CLPB: variants seen among roughly 807,000 people sequenced by gnomAD.
CLPB encodes ClpB family mitochondrial disaggregase.
CLPB carries 40 observed loss-of-function variants against 78.4 expected under a neutral mutation model. The ratio of observed to expected loss-of-function variants is 0.51; its 90% CI spans 0.40 to 0.66. CLPB has a LOEUF of 0.66. Ranked by LOEUF, CLPB falls within the 30% of genes least tolerant of loss-of-function variation. The probability of loss-of-function intolerance (pLI) is 0.00; values close to 1 mark genes in which losing one functional copy is unlikely to be tolerated. For missense variants in CLPB, 780 were observed against 886.9 expected (o/e 0.88, Z 1.53); for synonymous variants, 333 against 348.0 (o/e 0.96, Z 0.48).
rs2135549983 is a variant in CLPB at position 72,329,821 on chromosome 11, G to A, written c.776-17C>T. On this transcript the variant is annotated splice_polypyrimidine_tract_variant and intron_variant, in intron 5 of 15. Transcript: ENST00000538039. ...GGTTGGCTCCTGGCAAGAGAAGAAG[G>A]ATAAACAGAGGCTCTATGAACGATC... 5 of 1,592,662 alleles carry A rather than the reference G, an allele frequency of 3.1e-6. No homozygotes were observed. The highest frequency in any genetic ancestry group is 4.3e-6 in the Non-Finnish European group (5 of 1,161,156).
At chr11:72,422,283 A>C (rs956028767) in intron 2 of CLPB, among the ~76,000 whole-genome samples, 54 of 151,244 alleles carry the variant, frequency 3.6e-4, no homozygotes, top group Non-Finnish European at 7.5e-4. Context: ...AAAAAAAAAA[A>C]AAAAAAAACT....
intron 4 of CLPB, among the ~76,000 whole-genome samples, chr11:72,378,348 A>C (rs149621228): frequency 0.012 from 1,759 of 152,350 alleles, 22 homozygotes; most frequent in South Asian, 0.036. Flanking sequence ...TTGGACTTAC[A>C]GTTCCACATG....
intron 5 of CLPB, among the ~76,000 whole-genome samples, chr11:72,346,841 C>T (rs1036317680): frequency 3.3e-5 from 5 of 151,698 alleles, no homozygotes; most frequent in Non-Finnish European, 5.9e-5. Context: ...TTTAGCCGGG[C>T]TTGGTGGTGG....
At chr11:72,382,264 C>T (rs548684423) in intron 3 of CLPB, among the ~76,000 whole-genome samples, 2 of 152,162 alleles carry the variant, frequency 1.3e-5, no homozygotes, top group South Asian at 2.1e-4. Context: ...TGTATACCCA[C>T]GTTCCAGGCC....
chr11:72,367,943 G>A (rs1439918326), intron 4 of CLPB, among the ~76,000 whole-genome samples: 1 of 152,096 alleles, frequency 6.6e-6, no homozygotes, highest in African/African-American at 2.4e-5. Flanking sequence ...GAATTGTATA[G>A]TATGTAAATT....
intron 5 of CLPB, among the ~76,000 whole-genome samples, chr11:72,346,845 G>A (rs1175673015): frequency 1.3e-5 from 2 of 151,914 alleles, no homozygotes; most frequent in African/African-American, 4.8e-5. Flanking sequence ...GCCGGGCTTG[G>A]TGGTGGGCAC....
intron 4 of CLPB, among the ~76,000 whole-genome samples, chr11:72,364,726 C>T (rs573333546): frequency 1.2e-4 from 18 of 152,122 alleles, no homozygotes; most frequent in African/African-American, 4.1e-4. Flanking sequence ...CATAGAGGAC[C>T]CTGGTGACCC....
rs1304983931 is a variant in CLPB, at chr11:72,288,557, GC to G, written c.*4809del. ...GCATTGTCTCAGAGCTCAAATCCTG[GC>G]CACAGCAACATGGGACAAATAAAAA... is the stretch of plus-strand genomic sequence containing the variant. On this transcript the variant is annotated 3_prime_UTR_variant, in exon 16 of 16. Transcript: ENST00000538039. The G allele has an allele frequency of 6.6e-6, 1 of 152,150 alleles. No homozygotes were observed. The highest frequency in any genetic ancestry group is 1.5e-5 in the Non-Finnish European group (1 of 68,062). The allele number at this position is 152,150 out of a possible 1,614,324, so 9.4% of individuals were successfully genotyped here. A position where few individuals can be genotyped will look rare whatever the true frequency, so the allele number is the denominator to read the frequency against.
At chr11:72,386,556 T>C (rs1855083589) in intron 3 of CLPB, among the ~76,000 whole-genome samples, 1 of 152,182 alleles carries the variant, frequency 6.6e-6, no homozygotes, top group South Asian at 2.1e-4. Context: ...TTCAATTACT[T>C]GCTGAACGAA....
intron 6 of CLPB, among the ~76,000 whole-genome samples, chr11:72,320,165 T>C (rs1012479815): frequency 4.6e-5 from 7 of 152,240 alleles, no homozygotes; most frequent in Non-Finnish European, 8.8e-5. Context: ...GTACCTTCCA[T>C]CCATTGGTCT....
At chr11:72,397,581 G>C (rs770074883) in intron 3 of CLPB, among the ~76,000 whole-genome samples, 8 of 152,116 alleles carry the variant, frequency 5.3e-5, no homozygotes, top group Non-Finnish European at 1.0e-4. Flanking sequence ...GTATGTAGTG[G>C]TATCTCATTG....
rs144854943 is a variant in CLPB at position 72,331,727 on chromosome 11, C to T, written c.776-1923G>A. 3.2e-4 allele frequency among the ~76,000 whole-genome samples: 48 copies of T among 152,042 alleles called. No homozygotes were observed. The East Asian group carries it at 8.2e-3, about 26-fold the overall frequency. ...TAGCTAGGATCACAGGCATGTGCCA[C>T]CATGCCTGGCTAATTTTTGTATTTT... is the stretch of plus-strand genomic sequence containing the variant. On this transcript the variant is annotated intron_variant, in intron 5 of 15. Transcript: ENST00000538039.
intron 5 of CLPB, chr11:72,354,593 C>T: frequency 2.8e-6 from 1 of 357,600 alleles, no homozygotes; most frequent in Non-Finnish European, 5.0e-6. Context: ...CTGCCTCTTC[C>T]CCACCTTCCT....
chr11:72,294,103 C>T lies in CLPB; in HGVS notation c.1704G>A (p.Thr568=), dbSNP rs141458508. The change falls in exon 15 of 16, where the codon ACG becomes ACA. Residue 568 remains threonine (T), a synonymous_variant. Transcript: ENST00000538039. ...AKRAKQRHNI[T]LLWDREVADV... is the part of the protein sequence containing the mutation. ...CTGCCACCTCGCGGTCCCAGAGCAGCGTGATGTTGTGCCTTTGCTTGGCCT... is the reference window on the plus strand; with the variant it reads ...CTGCCACCTCGCGGTCCCAGAGCAGTGTGATGTTGTGCCTTTGCTTGGCCT... 6.1e-4 allele frequency: 982 copies of T among 1,614,166 alleles called. 1 individual carries two copies. Among genetic ancestry groups the T allele is most frequent in the Non-Finnish European group, 7.3e-4 (864 of 1,180,002 alleles).
chr11:72,366,203 T>C (rs1950939055), intron 4 of CLPB, among the ~76,000 whole-genome samples: 2 of 150,560 alleles, frequency 1.3e-5, no homozygotes, highest in Non-Finnish European at 2.9e-5. Context: ...GGAACTTATG[T>C]GGGTCTTTTG....
At chr11:72,357,700 G>GAAA (rs747456359) in intron 5 of CLPB, among the ~76,000 whole-genome samples, 31 of 43,858 alleles carry the variant, frequency 7.1e-4, no homozygotes, top group Admixed American at 2.1e-3. Flanking sequence ...CCGTGTCCCA[G>GAAA]AAAAAAAAAA....
At chr11:72,308,444 G>A in intron 8 of CLPB, 83 bp downstream of exon 8, 1 of 1,228,716 alleles carries the variant, frequency 8.1e-7, no homozygotes, top group Non-Finnish European at 1.2e-6. Flanking sequence ...GCTGACCCTG[G>A]CCCGCAGCAG....
intron 6 of CLPB, among the ~76,000 whole-genome samples, chr11:72,318,076 A>G (rs1347061237): frequency 6.6e-6 from 1 of 152,226 alleles, no homozygotes; most frequent in Middle Eastern, 3.2e-3. Flanking sequence ...AAAAACACAA[A>G]AACCTACTTG....
At chr11:72,415,161 A>C (rs1855983611) in intron 2 of CLPB, among the ~76,000 whole-genome samples, 2 of 152,184 alleles carry the variant, frequency 1.3e-5, no homozygotes, top group South Asian at 4.1e-4. Context: ...GGTTGCAGTA[A>C]GCCAAGATCG....
Sources: gnomAD v4.1 joint callset for allele counts (sites outside exome capture counted in the v4.1 genomes callset) on GRCh38, gnomAD v4.1.1 for gene constraint, MANE v1.5 for transcripts, NCBI Gene and HGNC (gene_info 2026-07-23, HGNC 2026-07-21) for gene names.